Variants in APEX2 observed in about 807,000 individuals in gnomAD.
APEX2 encodes the protein apurinic/apyrimidinic endodeoxyribonuclease 2, also known as DNA-(apurinic or apyrimidinic site) endonuclease 2.
APEX2 carries 4 observed loss-of-function variants against 16.7 expected under a neutral mutation model. The ratio of observed to expected loss-of-function variants is 0.24; its 90% confidence interval spans 0.12 to 0.55. The LOEUF is 0.55. APEX2 is among the 20% of genes least tolerant of loss of function. APEX2 has a pLI of 0.94. For synonymous variants in APEX2, 181 were observed against 166.9 expected (o/e 1.08, Z -0.65); for missense variants, 357 against 433.6 (o/e 0.82, Z 1.57).
At chrX:55,000,759 A>C (rs1292914090) in intron 1 of APEX2, among the ~76,000 whole-genome samples, 180 bp downstream of exon 1, 4 of 109,712 alleles carry the variant, frequency 3.6e-5, no homozygotes, top group Non-Finnish European at 1.9e-5. Context: ...ATTGCACTCC[A>C]TCTCCTGTCT....
In APEX2 at chrX:55,008,474, G is replaced by A. The variant is rs1378937109; in HGVS notation, c.*1039G>A. ...TAATCCAAGCTACTTAGGAGGCTGA[G>A]ACAGGAGAATAGCTTGTACCTGGGA... is the stretch of plus-strand genomic sequence containing the variant. On this transcript the variant is annotated 3_prime_UTR_variant, in exon 6 of 6. Coordinates refer to ENST00000374987, the MANE Select transcript of APEX2 (RefSeq NM_014481.4). 2 of 110,562 alleles carry A rather than the reference G, an allele frequency of 1.8e-5. No individual in the cohort carries two copies. Among genetic ancestry groups the A allele is most frequent in the Non-Finnish European group, 3.8e-5 (2 of 52,935 alleles). The allele number at this position is 110,562 out of a possible 1,213,427, so 9.1% of individuals were successfully genotyped here.
Position 55,008,530 on chromosome X carries a change from A to AT in APEX2, c.*1097dup, listed in dbSNP as rs1569547714. 9.3e-6 allele frequency: 1 copy of AT among 107,811 alleles called. No individual in the cohort carries two copies. The highest frequency in any genetic ancestry group is 3.5e-5 in the African/African-American group (1 of 28,347). 8.9% of individuals were successfully genotyped at this position (107,811 alleles called of 1,213,427 possible). A position where few individuals can be genotyped will look rare whatever the true frequency, so the allele number is the denominator to read the frequency against. On this transcript the variant is annotated 3_prime_UTR_variant, in exon 6 of 6. Coordinates refer to ENST00000374987, the MANE Select transcript of APEX2 (RefSeq NM_014481.4). ...AGGTTGCAGTGGGCTGAGATCATGCATTGCACTCCAGCCTGGGCAACAAGA... is the reference window on the plus strand; with the variant it reads ...AGGTTGCAGTGGGCTGAGATCATGCATTTGCACTCCAGCCTGGGCAACAAGA...
intron 5 of APEX2, among the ~76,000 whole-genome samples, chrX:55,004,164 A>G (rs1464684938): frequency 8.9e-6 from 1 of 112,311 alleles, no homozygotes; most frequent in Non-Finnish European, 1.9e-5. Context: ...CAATTATAGG[A>G]TGGTATTCTC....
intron 1 of APEX2, 137 bp from the exon 2 acceptor site, chrX:55,001,409 T>C (rs2146706043): frequency 2.4e-6 from 1 of 412,246 alleles, no homozygotes; most frequent in East Asian, 4.2e-5. Context: ...CCTCTAATCA[T>C]GGATATTTCA....
At chrX:55,005,531 G>A (rs146650521) in intron 5 of APEX2, among the ~76,000 whole-genome samples, 1 of 111,893 alleles carries the variant, frequency 8.9e-6, no homozygotes, top group African/African-American at 3.2e-5. Context: ...TGCTAGTATT[G>A]TCTTTCTTTC....
At chrX:55,004,014 T>C in intron 5 of APEX2, 146 bp downstream of exon 5, 2 of 523,691 alleles carry the variant, frequency 3.8e-6, no homozygotes, top group Non-Finnish European at 6.4e-6. Flanking sequence ...TACTGAGGAT[T>C]GGTCATTCAT....
chrX:55,003,973 C>A, intron 5 of APEX2, 105 bp downstream of exon 5: 1 of 725,696 alleles, frequency 1.4e-6, no homozygotes, highest in Non-Finnish European at 2.1e-6. Flanking sequence ...TATGGGAAAG[C>A]GGAGCTTGGC....
chrX:55,004,308 T>C (rs1833976768), intron 5 of APEX2, among the ~76,000 whole-genome samples: 1 of 112,578 alleles, frequency 8.9e-6, no homozygotes, highest in Admixed American at 9.3e-5. Context: ...AGCTTTGAAG[T>C]AGAAAGCATT....
chrX:55,001,621 G>T lies in APEX2; in HGVS notation c.233G>T (p.Gly78Val). The T allele has an allele frequency of 2.5e-6, 3 of 1,202,027 alleles. No homozygotes were observed. The highest frequency in any genetic ancestry group is 3.4e-6 in the Non-Finnish European group (3 of 890,151). The change falls in exon 2 of 6, where the codon GGC becomes GTC. Residue 78 changes from glycine to valine, a missense_variant. Gly to Val is a moderately radical substitution (Grantham distance 109). Coordinates refer to ENST00000374987, the MANE Select transcript of APEX2 (RefSeq NM_014481.4). ...TTCAGCTTCAGCCGCAACCGTAGCG[G>T]CTATTCTGGTAAATGGGGCTTTCTG... ...SYFSFSRNRSGYSGVATFCKD... is the reference protein window; with the variant it reads ...SYFSFSRNRSVYSGVATFCKD...
rs781078912 is a variant in APEX2, at chrX:55,002,596, AT to A, written c.422+170del. 5.4e-5 allele frequency among the ~76,000 whole-genome samples: 6 copies of A among 111,266 alleles called. 1 individual carries two copies. The highest frequency in any genetic ancestry group is 9.5e-5 in the Admixed American group (1 of 10,562). ...GCTACTCAGTGTGTGACCCTGGCAA[AT>A]TTTTCCCCCCTCTGAAGCTTGAGTT... On this transcript the variant is annotated intron_variant, in intron 3 of 5. Transcript: ENST00000374987.
Position 55,007,749 on chromosome X carries a change from A to T in APEX2, c.*314A>T. The T allele has an allele frequency of 4.0e-6, 1 of 247,064 alleles. No homozygotes were observed. Among genetic ancestry groups the T allele is most frequent in the Non-Finnish European group, 7.2e-6 (1 of 138,157 alleles). 20.4% of individuals were successfully genotyped at this position (247,064 alleles called of 1,213,427 possible). On this transcript the variant is annotated 3_prime_UTR_variant, in exon 6 of 6. Transcript: ENST00000374987. The stretch of plus-strand genomic sequence containing the variant: ...TGCTGGAAAGTGTATTTGTGCATAA[A>T]TAAAGTCTGTGTATTTGTTTCAGGG...
intron 1 of APEX2, 122 bp downstream of exon 1, chrX:55,000,701 G>A: frequency 1.2e-6 from 1 of 823,987 alleles, no homozygotes. Context: ...TTAGACCCAG[G>A]TCCCTTCCCT....
At position 55,007,610 on chromosome X, in the gene APEX2, C is replaced by A; in HGVS notation, c.*175C>A. On this transcript the variant is annotated 3_prime_UTR_variant, in exon 6 of 6. Transcript: ENST00000374987. ...TACCTAGCTCCTTGTTGGTGAGCTTCTTGTGCCTTAATCCTGTGACCCAGC... is the reference window on the plus strand; with the variant it reads ...TACCTAGCTCCTTGTTGGTGAGCTTATTGTGCCTTAATCCTGTGACCCAGC... The A allele has an allele frequency of 1.9e-6, 1 of 521,212 alleles. No individual in the cohort carries two copies. Among genetic ancestry groups the A allele is most frequent in the Non-Finnish European group, 2.9e-6 (1 of 343,451 alleles). The allele number at this position is 521,212 out of a possible 1,213,427, so 43.0% of individuals were successfully genotyped here. A position where few individuals can be genotyped will look rare whatever the true frequency, so the allele number is the denominator to read the frequency against.
chrX:55,003,896 C>A (rs764992507), intron 5 of APEX2, 28 bp downstream of exon 5: 1 of 1,186,886 alleles, frequency 8.4e-7, no homozygotes, highest in South Asian at 1.8e-5. Context: ...TGCCTGGCCC[C>A]ACTCCTGACT....
In APEX2 at chrX:55,007,159, A is replaced by C; in HGVS notation, c.1281A>C (p.Pro427=). The C allele has an allele frequency of 8.3e-7, 1 of 1,212,038 alleles. No individual in the cohort carries two copies. Among genetic ancestry groups the C allele is most frequent in the Non-Finnish European group, 1.1e-6 (1 of 895,568 alleles). Residue 427 remains proline, a synonymous_variant, in exon 6 of 6, where the codon CCA becomes CCC. Coordinates refer to ENST00000374987, the MANE Select transcript of APEX2 (RefSeq NM_014481.4). ...GCGCCCTCATGACCCCGAAGACTCC[A>C]GAAGAGAAGGCAGTGGCCAAAGTGG... ...LMSALMTPKT[P]EEKAVAKVVK...
At chrX:55,006,361 C>A (rs1405260817) in intron 5 of APEX2, among the ~76,000 whole-genome samples, 157 bp from the exon 6 acceptor site, 1 of 111,823 alleles carries the variant, frequency 8.9e-6, no homozygotes, top group African/African-American at 3.3e-5. Context: ...AGAATCCCAG[C>A]TCTGCCAATT....
chrX:55,007,170 C>T lies in APEX2; in HGVS notation c.1292C>T (p.Ala431Val), dbSNP rs772049539. The T allele has an allele frequency of 3.3e-6, 4 of 1,212,129 alleles. No individual in the cohort carries two copies. Among genetic ancestry groups the T allele is most frequent in the Non-Finnish European group, 1.1e-6 (1 of 895,602 alleles). Residue 431 changes from alanine (A) to valine (V), a missense_variant, in exon 6 of 6, where the codon GCA becomes GTA. Physicochemically the swap from Ala to Val is moderately conservative, Grantham distance 64 (BLOSUM62 0). Coordinates refer to ENST00000374987, the MANE Select transcript of APEX2 (RefSeq NM_014481.4). Reference protein sequence around the residue: ...LMTPKTPEEKAVAKVVKGQAK... With the variant: ...LMTPKTPEEKVVAKVVKGQAK... ...ACCCCGAAGACTCCAGAAGAGAAGGCAGTGGCCAAAGTGGTGAAGGGGCAG... is the reference window on the plus strand; with the variant it reads ...ACCCCGAAGACTCCAGAAGAGAAGGTAGTGGCCAAAGTGGTGAAGGGGCAG...
chrX:55,005,458 T>C (rs1935488772), intron 5 of APEX2, among the ~76,000 whole-genome samples: 1 of 112,094 alleles, frequency 8.9e-6, no homozygotes, highest in Non-Finnish European at 1.9e-5. Flanking sequence ...TCTTTTAGTC[T>C]TGTCATTTCT....
At chrX:55,006,436 C>T (rs1301761985) in intron 5 of APEX2, 82 bp from the exon 6 acceptor site, 1 of 844,829 alleles carries the variant, frequency 1.2e-6, no homozygotes, top group Non-Finnish European at 1.5e-6. Flanking sequence ...TTGCAAAATG[C>T]AGCAGTTAGT....
Sources: allele counts gnomAD v4.1 joint callset (sites outside exome capture counted in the v4.1 genomes callset), GRCh38; gene constraint gnomAD v4.1.1; transcripts MANE v1.5; gene names NCBI Gene and HGNC (gene_info 2026-07-23, HGNC 2026-07-21).